NXN: variants seen among roughly 807,000 people sequenced by gnomAD.
The protein encoded by NXN is nucleoredoxin, also known as nucleoredoxin 1.
Under a neutral mutation model 48.6 loss-of-function variants are expected in NXN, and 16 were observed. That is an observed-to-expected ratio of 0.33 (90% CI 0.22 to 0.50). The LOEUF is 0.50. NXN is among the 20% of genes least tolerant of loss of function. The pLI is 0.98. For synonymous variants in NXN, 281 were observed against 269.6 expected (o/e 1.04, Z -0.41); for missense variants, 492 against 605.5 (o/e 0.81, Z 1.97).
intron 1 of NXN, among the ~76,000 whole-genome samples, chr17:931,061 AC>A (rs1292282282): frequency 6.6e-6 from 1 of 151,988 alleles, no homozygotes; most frequent in Admixed American, 6.6e-5. Flanking sequence ...GAGCCACCGC[AC>A]CCGGCTGGTG....
chr17:864,141 G>T (rs1444269161), intron 1 of NXN: 2 of 1,464,846 alleles, frequency 1.4e-6, no homozygotes, highest in Non-Finnish European at 1.8e-6. Flanking sequence ...GAAGGGGCAC[G>T]TTCACCGTTG....
intron 1 of NXN, among the ~76,000 whole-genome samples, chr17:935,274 G>A (rs2068896368): frequency 1.3e-5 from 2 of 151,858 alleles, no homozygotes; most frequent in African/African-American, 4.8e-5. Flanking sequence ...AATTACAGGT[G>A]TGAGCCACCG....
intron 1 of NXN, among the ~76,000 whole-genome samples, chr17:858,736 A>T (rs2068012184): frequency 6.6e-6 from 1 of 152,060 alleles, no homozygotes. Context: ...CTCAAAAAAA[A>T]AAAAGAAAGA....
chr17:866,371 T>C (rs748608613), intron 1 of NXN, among the ~76,000 whole-genome samples: 10 of 152,148 alleles, frequency 6.6e-5, no homozygotes, highest in Non-Finnish European at 1.3e-4. Flanking sequence ...TCACCTGCAC[T>C]GAAGAGTTCA....
At chr17:926,534 GTT>G (rs60470915) in intron 1 of NXN, among the ~76,000 whole-genome samples, 7 of 141,510 alleles carry the variant, frequency 4.9e-5, no homozygotes, top group Non-Finnish European at 7.7e-5. Flanking sequence ...CATGTTTTTT[GTT>G]TTTTTTTTGT....
At chr17:904,159 G>A (rs962719334) in intron 1 of NXN, among the ~76,000 whole-genome samples, 4 of 152,184 alleles carry the variant, frequency 2.6e-5, no homozygotes, top group Non-Finnish European at 5.9e-5. Context: ...ATGCCTCACC[G>A]CGTCGACTGC....
intron 1 of NXN, among the ~76,000 whole-genome samples, chr17:864,925 G>A (rs1169245719): frequency 6.6e-6 from 1 of 152,184 alleles, no homozygotes; most frequent in Non-Finnish European, 1.5e-5. Flanking sequence ...AAAGAATCCA[G>A]AAACTAAAGG....
chr17:898,581 G>C (rs1261912444), intron 1 of NXN, among the ~76,000 whole-genome samples: 1 of 72,846 alleles, frequency 1.4e-5, no homozygotes, highest in African/African-American at 3.1e-5. Flanking sequence ...ACTACTCTGA[G>C]GCCAGGCGCA....
At chr17:883,906 T>C (rs1203526327) in intron 1 of NXN, among the ~76,000 whole-genome samples, 1 of 152,080 alleles carries the variant, frequency 6.6e-6, no homozygotes, top group African/African-American at 2.4e-5. Flanking sequence ...AGCCCCCATC[T>C]CTACTAAAAG....
At chr17:879,613 C>T (rs929630394) in intron 1 of NXN, among the ~76,000 whole-genome samples, 11 of 151,890 alleles carry the variant, frequency 7.2e-5, no homozygotes, top group African/African-American at 2.4e-4. Flanking sequence ...ACCCGTGGAG[C>T]TAAAGGTTTC....
At chr17:881,712 T>C (rs953303568) in intron 1 of NXN, among the ~76,000 whole-genome samples, 1 of 152,186 alleles carries the variant, frequency 6.6e-6, no homozygotes, top group Non-Finnish European at 1.5e-5. Context: ...ACAACTCACA[T>C]ACATCCATCA....
At chr17:841,638 ACCCT>A (rs1914305092) in intron 1 of NXN, among the ~76,000 whole-genome samples, 1 of 21,484 alleles carries the variant, frequency 4.7e-5, no homozygotes, top group Non-Finnish European at 9.0e-5. Flanking sequence ...AAGCAGGTCC[ACCCT>A]GACCACAGCG....
intron 1 of NXN, among the ~76,000 whole-genome samples, chr17:948,576 GGGAAA>G (rs1392793543): frequency 1.3e-5 from 2 of 151,998 alleles, no homozygotes; most frequent in African/African-American, 2.4e-5. Flanking sequence ...CAAGCAGCCT[GGGAAA>G]GGAATGTTTA....
intron 1 of NXN, among the ~76,000 whole-genome samples, chr17:924,100 C>T (rs776223526): frequency 1.3e-5 from 2 of 151,028 alleles, no homozygotes; most frequent in Admixed American, 1.3e-4. Flanking sequence ...CAGGGTCTCA[C>T]TCTGTTGCCC....
Position 878,740 on chromosome 17 carries a change from G to A in NXN, c.361-52662C>T, listed in dbSNP as rs187309257. 8.1e-3 allele frequency among the ~76,000 whole-genome samples: 1,230 copies of A among 152,242 alleles called. 5 individuals are homozygous for A. Among genetic ancestry groups the A allele is most frequent in the Non-Finnish European group, 0.014 (932 of 68,010 alleles). On this transcript the variant is annotated intron_variant, in intron 1 of 7. Transcript: ENST00000336868. ...CCTGATTGAACCCAGTGAATGGGGG[G>A]AAATGAGAATGTCAAGGCCTGTAGC...
At chr17:962,923 C>T (rs1433816100) in intron 1 of NXN, among the ~76,000 whole-genome samples, 2 of 152,158 alleles carry the variant, frequency 1.3e-5, no homozygotes, top group Non-Finnish European at 2.9e-5. Flanking sequence ...GGGGAAGCGG[C>T]TTTCAAAGGC....
At chr17:900,858 G>C (rs1389796694) in intron 1 of NXN, among the ~76,000 whole-genome samples, 2 of 151,724 alleles carry the variant, frequency 1.3e-5, no homozygotes, top group Non-Finnish European at 2.9e-5. Context: ...TCTTCTGGGA[G>C]GCAGGGGAGT....
chr17:891,455 G>T (rs1005960911), intron 1 of NXN, among the ~76,000 whole-genome samples: 5 of 152,166 alleles, frequency 3.3e-5, no homozygotes, highest in African/African-American at 9.7e-5. Flanking sequence ...TTAATAAAAG[G>T]TCATAATACA....
chr17:895,637 C>A (rs867729921), intron 1 of NXN, among the ~76,000 whole-genome samples: 2 of 114,876 alleles, frequency 1.7e-5, no homozygotes, highest in Non-Finnish European at 1.8e-5. Flanking sequence ...ACGGTGAAAC[C>A]CCGTCTCTAC....
Sources: allele counts gnomAD v4.1 joint callset (sites outside exome capture counted in the v4.1 genomes callset), GRCh38; gene constraint gnomAD v4.1.1; transcripts MANE v1.5; gene names NCBI Gene and HGNC (gene_info 2026-07-23, HGNC 2026-07-21).